MYRFL: variants seen among roughly 807,000 people sequenced by gnomAD.
The protein encoded by MYRFL is myelin regulatory factor like, also known as myelin regulatory factor-like protein.
MYRFL carries 88 observed loss-of-function variants against 109.4 expected under a neutral mutation model. That is an observed-to-expected ratio of 0.80 (90% CI 0.68 to 0.96). MYRFL has a LOEUF of 0.96. Ranked by LOEUF, MYRFL falls within the 40% of genes least tolerant of loss-of-function variation. The pLI is 0.00. For synonymous variants in MYRFL, 324 were observed against 320.9 expected (o/e 1.01, Z -0.10); for missense variants, 957 against 954.9 (o/e 1.00, Z -0.03).
chr12:69,862,129 C>A (rs1172454237), intron 2 of MYRFL, among the ~76,000 whole-genome samples: 1 of 150,868 alleles, frequency 6.6e-6, no homozygotes, highest in Non-Finnish European at 1.5e-5. Flanking sequence ...GGTACCAGTA[C>A]CATGCTGTTT....
At chr12:69,903,025 T>C (rs1209303287) in intron 10 of MYRFL, among the ~76,000 whole-genome samples, 6 of 152,204 alleles carry the variant, frequency 3.9e-5, no homozygotes, top group Admixed American at 3.9e-4. Flanking sequence ...ATGAGGACAA[T>C]AGTACGTGTC....
chr12:69,873,539 G>A (rs932688411), intron 2 of MYRFL, among the ~76,000 whole-genome samples: 1 of 152,164 alleles, frequency 6.6e-6, no homozygotes, highest in Non-Finnish European at 1.5e-5. Flanking sequence ...AAGGTTACTT[G>A]AACACAAGCA....
At chr12:69,950,412 C>CCTAT (rs1189963397) in intron 19 of MYRFL, among the ~76,000 whole-genome samples, 1 of 152,158 alleles carries the variant, frequency 6.6e-6, no homozygotes, top group East Asian at 1.9e-4. Flanking sequence ...CAGTCCATCT[C>CCTAT]CTATCTCCAT....
intron 2 of MYRFL, among the ~76,000 whole-genome samples, chr12:69,857,737 ATTAG>A (rs1409422518): frequency 3.3e-5 from 5 of 151,682 alleles, no homozygotes; most frequent in South Asian, 2.1e-4. Flanking sequence ...TAAGTCATTT[ATTAG>A]TTCTAATAAC....
intron 13 of MYRFL, among the ~76,000 whole-genome samples, chr12:69,914,750 C>T (rs1954680066): frequency 6.6e-6 from 1 of 152,178 alleles, no homozygotes; most frequent in Non-Finnish European, 1.5e-5. Context: ...TTCCAGGCAG[C>T]CAGCCTCATT....
Position 69,929,034 on chromosome 12 carries a change from C to T in MYRFL, c.1830+1286C>T, listed in dbSNP as rs1244614028. Among the ~76,000 whole-genome samples the T allele has an allele frequency of 1.7e-4, 26 of 152,180 alleles. 1 individual carries two copies. Among genetic ancestry groups the T allele is most frequent in the Admixed American group, 1.4e-3 (21 of 15,278 alleles). On this transcript the variant is annotated intron_variant, in intron 15 of 24. Transcript: ENST00000552032. ...TGAGAGCAGGCCCTGTGTCTGCCTT[C>T]CTCACTCTCATGTCACTAGGGACTA... is the stretch of plus-strand genomic sequence containing the variant.
intron 1 of MYRFL, among the ~76,000 whole-genome samples, chr12:69,854,362 G>A (rs1469443025): frequency 6.6e-6 from 1 of 151,546 alleles, no homozygotes; most frequent in East Asian, 1.9e-4. Flanking sequence ...AGAGGGAGAG[G>A]GAGAGGGAGA....
chr12:69,887,096 T>C (rs1886504116), intron 6 of MYRFL, 126 bp downstream of exon 6: 1 of 975,806 alleles, frequency 1.0e-6, no homozygotes, highest in Non-Finnish European at 1.5e-6. Flanking sequence ...AGAAAGTGTC[T>C]GTCTTACTCC....
intron 8 of MYRFL, 64 bp from the exon 9 acceptor site, chr12:69,895,307 T>C: frequency 8.4e-7 from 1 of 1,191,210 alleles, no homozygotes; most frequent in Admixed American, 2.2e-5. Context: ...GTGGATTAGA[T>C]ATGATCAGAG....
At position 69,880,307 on chromosome 12, in the gene MYRFL, G is replaced by T. The variant is rs1471886014; in HGVS notation, c.556+15G>T. The T allele has an allele frequency of 5.7e-6, 4 of 702,210 alleles. No homozygotes were observed. The highest frequency in any genetic ancestry group is 5.2e-5 in the African/African-American group (3 of 57,246). The allele number at this position is 702,210 out of a possible 1,614,324, so 43.5% of individuals were successfully genotyped here. On this transcript the variant is annotated intron_variant, in intron 5 of 24. Coordinates refer to ENST00000552032, the MANE Select transcript of MYRFL (RefSeq NM_182530.3). The stretch of plus-strand genomic sequence containing the variant: ...CTGCAGACCGAGTGAGCAAACCTGG[G>T]TGGGAACAAGGGCGATGCCATCAAA...
At chr12:69,855,046 A>G (rs1884189059) in intron 1 of MYRFL, among the ~76,000 whole-genome samples, 2 of 152,224 alleles carry the variant, frequency 1.3e-5, no homozygotes, top group South Asian at 2.1e-4. Context: ...AAGATATTGA[A>G]TTTCTTGTTG....
intron 13 of MYRFL, among the ~76,000 whole-genome samples, chr12:69,915,008 G>A (rs1366960059): frequency 1.3e-5 from 2 of 152,192 alleles, no homozygotes; most frequent in South Asian, 2.1e-4. Flanking sequence ...CACTTCTGAG[G>A]ATAGACTTTG....
chr12:69,885,450 C>G (rs1886389502), intron 5 of MYRFL, among the ~76,000 whole-genome samples: 1 of 152,172 alleles, frequency 6.6e-6, no homozygotes, highest in African/African-American at 2.4e-5. Flanking sequence ...CTTTCTCCTG[C>G]ATTCTCCAAG....
intron 5 of MYRFL, among the ~76,000 whole-genome samples, chr12:69,882,625 G>T (rs1886197567): frequency 6.6e-6 from 1 of 152,154 alleles, no homozygotes; most frequent in Non-Finnish European, 1.5e-5. Context: ...CATTTATAGG[G>T]CTGAAAATGT....
At chr12:69,834,365 G>A (rs1052210823) in intron 1 of MYRFL, among the ~76,000 whole-genome samples, 1 of 152,196 alleles carries the variant, frequency 6.6e-6, no homozygotes, top group Non-Finnish European at 1.5e-5. Context: ...CAACTATTAA[G>A]AGCTGAGAAA....
intron 13 of MYRFL, among the ~76,000 whole-genome samples, chr12:69,918,600 G>GT (rs1954818251): frequency 6.6e-6 from 1 of 152,110 alleles, no homozygotes; most frequent in African/African-American, 2.4e-5. Context: ...GAGGCTTACT[G>GT]TTTCTCTGTA....
At chr12:69,952,910 C>T (rs1467856037) in intron 21 of MYRFL, 24 bp downstream of exon 21, 5 of 1,482,490 alleles carry the variant, frequency 3.4e-6, no homozygotes, top group Non-Finnish European at 4.5e-6. Context: ...CCCAGCATGC[C>T]CTGGTTGTTT....
At chr12:69,907,662 G>A (rs952398150) in intron 11 of MYRFL, among the ~76,000 whole-genome samples, 11 of 152,060 alleles carry the variant, frequency 7.2e-5, no homozygotes, top group Non-Finnish European at 1.3e-4. Flanking sequence ...TAATACCTTC[G>A]TTCTTTTATT....
intron 12 of MYRFL, 94 bp downstream of exon 12, chr12:69,910,171 C>A: frequency 1.2e-6 from 1 of 811,514 alleles, no homozygotes; most frequent in Non-Finnish European, 1.9e-6. Flanking sequence ...TGGCATTTGA[C>A]AACGCTATGT....
Sources: allele counts gnomAD v4.1 joint callset (sites outside exome capture counted in the v4.1 genomes callset), GRCh38; gene constraint gnomAD v4.1.1; transcripts MANE v1.5; gene names NCBI Gene and HGNC (gene_info 2026-07-23, HGNC 2026-07-21).